FGD4: variants seen among roughly 807,000 people sequenced by gnomAD.
The protein encoded by FGD4 is FYVE, RhoGEF and PH domain-containing protein 4.
Under a neutral mutation model 102.0 loss-of-function variants are expected in FGD4, and 42 were observed. That is an observed-to-expected ratio of 0.41 (90% CI 0.32 to 0.53). The LOEUF (loss-of-function observed/expected upper bound fraction) is 0.53, where lower values mean the gene tolerates loss of function less well. Ranked by LOEUF, FGD4 falls within the 20% of genes least tolerant of loss-of-function variation. The pLI is 0.21. For missense variants in FGD4, 902 were observed against 1,078.2 expected, an observed-to-expected ratio of 0.84 and a Z score of 2.29; for synonymous variants, 380 against 375.7, an observed-to-expected ratio of 1.01 and a Z score of -0.13.
chr12:32,460,557 G>A (rs532946546), intron 1 of FGD4, among the ~76,000 whole-genome samples: 20 of 151,982 alleles, frequency 1.3e-4, no homozygotes, highest in Non-Finnish European at 2.4e-4. Context: ...TAATATAATA[G>A]TAGAGTAGTA....
In FGD4 at chr12:32,582,051, C is replaced by T. The variant is rs1555209302; in HGVS notation, c.595C>T (p.Pro199Ser). 1.2e-6 allele frequency: 2 copies of T among 1,614,060 alleles called. No homozygotes were observed. Among genetic ancestry groups the T allele is most frequent in the African/African-American group, 1.3e-5 (1 of 74,892 alleles). Residue 199 changes from proline (P) to serine (S), a missense_variant, in exon 4 of 17, where the codon CCT (proline) becomes TCT (serine). Pro to Ser is a moderately conservative substitution (Grantham distance 74). This residue lies in a region of FGD4 where 443 missense variants were observed against 459.2 expected (regional missense o/e 0.96). Coordinates refer to ENST00000534526, the MANE Select transcript of FGD4 (RefSeq NM_001370298.3). ...TPGRHGLTTTPQQKLLSQHLP... is the reference protein window; with the variant it reads ...TPGRHGLTTTSQQKLLSQHLP... ...AGGAAGGCATGGATTGACAACCACA[C>T]CTCAACAAAAACTCCTCTCCCAGCA...
intron 7 of FGD4, among the ~76,000 whole-genome samples, chr12:32,607,554 C>T (rs1445593791): frequency 1.3e-5 from 2 of 152,190 alleles, no homozygotes; most frequent in African/African-American, 4.8e-5. Flanking sequence ...CTCACTCTGT[C>T]ACCCAGGCTA....
In FGD4 at chr12:32,582,076, A is replaced by T; in HGVS notation, c.620A>T (p.His207Leu). 3 of 1,614,196 alleles carry T rather than the reference A, an allele frequency of 1.9e-6. No homozygotes were observed. Among genetic ancestry groups the T allele is most frequent in the Non-Finnish European group, 2.5e-6 (3 of 1,180,036 alleles). ...TTPQQKLLSQ[H>L]LPQRQGNDTD... ...CCTCAACAAAAACTCCTCTCCCAGCACTTGCCACAGAGGCAGGGAAATGAT... is the reference window on the plus strand; with the variant it reads ...CCTCAACAAAAACTCCTCTCCCAGCTCTTGCCACAGAGGCAGGGAAATGAT... Residue 207 changes from histidine (H) to leucine (L), a missense_variant, in exon 4 of 17, where the codon CAC (histidine) becomes CTC (leucine). Around this residue, in one of 2 missense-constraint regions of FGD4, gnomAD observed 443 missense variants for 459.2 expected, o/e 0.96. Coordinates refer to ENST00000534526, the MANE Select transcript of FGD4 (RefSeq NM_001370298.3).
chr12:32,511,560 C>A (rs895049507), intron 1 of FGD4, among the ~76,000 whole-genome samples: 6 of 152,080 alleles, frequency 3.9e-5, no homozygotes, highest in Non-Finnish European at 8.8e-5. Context: ...CCTCGGCCTC[C>A]CAAAGTACTG....
In FGD4 at chr12:32,476,999, G is replaced by C. The variant is rs115641744; in HGVS notation, c.166+77040G>C. 1.8e-3 allele frequency among the ~76,000 whole-genome samples: 273 copies of C among 152,266 alleles called. 3 individuals are homozygous for C. Among genetic ancestry groups the C allele is most frequent in the African/African-American group, 6.3e-3 (261 of 41,558 alleles). On this transcript the variant is annotated intron_variant, in intron 1 of 16. Coordinates refer to ENST00000534526, the MANE Select transcript of FGD4 (RefSeq NM_001370298.3). Reference sequence around the variant, plus strand: ...AGTAATTGTTTACTACTTGAAAAATGAAGATCTGGCCAGGTGCGTGGCTCA... The same window carrying C: ...AGTAATTGTTTACTACTTGAAAAATCAAGATCTGGCCAGGTGCGTGGCTCA...
chr12:32,605,986 G>A (rs2136699730), intron 7 of FGD4, among the ~76,000 whole-genome samples: 1 of 152,320 alleles, frequency 6.6e-6, no homozygotes, highest in Admixed American at 6.5e-5. Context: ...GACATGGGTT[G>A]TGAAAAGAGT....
chr12:32,410,153 C>G (rs1161612641), intron 1 of FGD4, among the ~76,000 whole-genome samples: 3 of 151,978 alleles, frequency 2.0e-5, no homozygotes, highest in Admixed American at 2.0e-4. Context: ...AGGGTGAAAC[C>G]CCATCTCTAC....
rs770471460 is a variant in FGD4 at position 32,636,553 on chromosome 12, CT to C, written c.2314-2101del. 6.9e-4 allele frequency among the ~76,000 whole-genome samples: 105 copies of C among 151,674 alleles called. 1 individual carries two copies. The highest frequency in any genetic ancestry group is 6.8e-4 in the Non-Finnish European group (46 of 67,912). ...CGTCTCAAAAAAAAAAAAAAATTGTCTATGCTGAAGCATCAGTTTTTTTTTC... is the reference window on the plus strand; with the variant it reads ...CGTCTCAAAAAAAAAAAAAAATTGTCATGCTGAAGCATCAGTTTTTTTTTC... On this transcript the variant is annotated intron_variant, in intron 15 of 16. Coordinates refer to ENST00000534526, the MANE Select transcript of FGD4 (RefSeq NM_001370298.3).
At chr12:32,429,850 G>T (rs1341040380) in intron 1 of FGD4, among the ~76,000 whole-genome samples, 2 of 152,060 alleles carry the variant, frequency 1.3e-5, no homozygotes, top group Non-Finnish European at 2.9e-5. Context: ...TGCCATCTTG[G>T]TTTTGGTGGG....
chr12:32,557,711 C>T lies in FGD4; in HGVS notation c.167-6426C>T, dbSNP rs1453281398. 2.0e-5 allele frequency among the ~76,000 whole-genome samples: 3 copies of T among 152,150 alleles called. No homozygotes were observed. In the East Asian group the frequency reaches 5.8e-4, roughly 29 times the overall value. On this transcript the variant is annotated intron_variant, in intron 1 of 16. Coordinates refer to ENST00000534526, the MANE Select transcript of FGD4 (RefSeq NM_001370298.3). ...AAGTTTGGGGAGCTGTTTGAAATAA[C>T]ACTCAAATAAATTTCCTGGCTATGG...
chr12:32,500,614 A>G (rs1361141237), intron 1 of FGD4, among the ~76,000 whole-genome samples: 1 of 151,648 alleles, frequency 6.6e-6, no homozygotes, highest in Non-Finnish European at 1.5e-5. Context: ...TTGTATTTTT[A>G]GTAGAGACGG....
intron 1 of FGD4, among the ~76,000 whole-genome samples, chr12:32,415,729 A>G (rs1177393959): frequency 6.6e-6 from 1 of 152,020 alleles, no homozygotes; most frequent in Non-Finnish European, 1.5e-5. Flanking sequence ...CTCTTTCTTT[A>G]GCTCTTAATA....
Position 32,641,612 on chromosome 12 carries a change from A to T in FGD4, c.*1079A>T, listed in dbSNP as rs1463545471. 1 of 152,210 alleles carries T rather than the reference A, an allele frequency of 6.6e-6. No homozygotes were observed. The highest frequency in any genetic ancestry group is 1.5e-5 in the Non-Finnish European group (1 of 68,028). 9.4% of individuals were successfully genotyped at this position (152,210 alleles called of 1,614,324 possible). ...ACATTTTCACCAAAACCCAAACTTT[A>T]TGAGACACCTGACCTTTTACAGAAC... is the stretch of plus-strand genomic sequence containing the variant. On this transcript the variant is annotated 3_prime_UTR_variant, in exon 17 of 17. Coordinates refer to ENST00000534526, the MANE Select transcript of FGD4 (RefSeq NM_001370298.3).
In FGD4 at chr12:32,619,751, A is replaced by G; in HGVS notation, c.1803A>G (p.Lys601=). 6.2e-7 allele frequency: 1 copy of G among 1,614,122 alleles called. No individual in the cohort carries two copies. Residue 601 remains lysine, a synonymous_variant, in exon 11 of 17, where the codon AAA becomes AAG. Coordinates refer to ENST00000534526, the MANE Select transcript of FGD4 (RefSeq NM_001370298.3). The part of the protein sequence containing the change: ...CVPKFSLVGS[K]FTVRTRVGID... ...CCAAATTCAGCTTGGTAGGCTCTAA[A>G]TTCACAGTTCGAACCAGGGTTGGCA...
Position 32,472,716 on chromosome 12 carries a change from C to T in FGD4, c.166+72757C>T, listed in dbSNP as rs1430100290. Among the ~76,000 whole-genome samples, 6 of 152,228 alleles carry T rather than the reference C, an allele frequency of 3.9e-5. No homozygotes were observed. In the East Asian group the frequency reaches 1.2e-3, roughly 29 times the overall value. On this transcript the variant is annotated intron_variant, in intron 1 of 16. Coordinates refer to ENST00000534526, the MANE Select transcript of FGD4 (RefSeq NM_001370298.3). Reference sequence around the variant, plus strand: ...ACTGGCAGGCAGCTCCACCTGCAGCCCCGGTGCGGGATCCACTAGGTGAAG... The same window carrying T: ...ACTGGCAGGCAGCTCCACCTGCAGCTCCGGTGCGGGATCCACTAGGTGAAG...
intron 1 of FGD4, among the ~76,000 whole-genome samples, chr12:32,513,753 T>C (rs568356121): frequency 1.1e-4 from 17 of 152,274 alleles, no homozygotes; most frequent in Middle Eastern, 3.4e-3. Context: ...GCTTGGATAG[T>C]TGGCTAGATG....
intron 1 of FGD4, among the ~76,000 whole-genome samples, chr12:32,484,689 T>C (rs762005819): frequency 5.9e-5 from 9 of 151,976 alleles, no homozygotes; most frequent in South Asian, 2.1e-4. Context: ...CTGGCCAACA[T>C]GGTGAAACCC....
At chr12:32,528,903 T>C (rs140797063) in intron 1 of FGD4, among the ~76,000 whole-genome samples, 17 of 152,336 alleles carry the variant, frequency 1.1e-4, no homozygotes, top group African/African-American at 4.1e-4. Context: ...TGTGTGTGAC[T>C]ATAAGTGAAC....
At chr12:32,486,903 G>A (rs1014858486) in intron 1 of FGD4, among the ~76,000 whole-genome samples, 1 of 152,136 alleles carries the variant, frequency 6.6e-6, no homozygotes, top group Non-Finnish European at 1.5e-5. Context: ...CCAAGTATAA[G>A]CTACTGTAAC....
Sources: allele counts gnomAD v4.1 joint callset (sites outside exome capture counted in the v4.1 genomes callset), GRCh38; gene constraint gnomAD v4.1.1; regional missense constraint gnomAD v4.1.1; transcripts MANE v1.5; gene names NCBI Gene and HGNC (gene_info 2026-07-23, HGNC 2026-07-21).